Variants in LAMA1 observed in about 807,000 individuals in gnomAD.
LAMA1 encodes the protein laminin subunit alpha-1.
Under a neutral mutation model 348.7 loss-of-function variants are expected in LAMA1, and 219 were observed. The observed-to-expected ratio is 0.63, with a 90% confidence interval of 0.56 to 0.70. The LOEUF (loss-of-function observed/expected upper bound fraction) is 0.70. Among genes scored for constraint, LAMA1 ranks in the 30% least tolerant of loss-of-function variants. The probability of loss-of-function intolerance (pLI) is 0.00; values close to 1 mark genes in which losing one functional copy is unlikely to be tolerated. For missense variants in LAMA1, 3,744 were observed against 3,888.0 expected (o/e 0.96, Z 0.99); for synonymous variants, 1,487 against 1,491.0 (o/e 1.00, Z 0.06).
intron 23 of LAMA1, among the ~76,000 whole-genome samples, chr18:7,012,672 A>AT (rs1471910126): frequency 6.7e-6 from 1 of 149,490 alleles, no homozygotes; most frequent in African/African-American, 2.4e-5. Flanking sequence ...TGCCCAGCTA[A>AT]TTTTGTATTT....
At chr18:7,005,064 G>A (rs1002497184) in intron 29 of LAMA1, among the ~76,000 whole-genome samples, 4 of 152,152 alleles carry the variant, frequency 2.6e-5, no homozygotes, top group East Asian at 1.9e-4. Flanking sequence ...GCAGGATACC[G>A]AAGACAGACA....
chr18:6,980,585 C>T lies in LAMA1; in HGVS notation c.5943G>A (p.Glu1981=), dbSNP rs1409006310. 6.2e-7 allele frequency: 1 copy of T among 1,613,648 alleles called. No homozygotes were observed. Among genetic ancestry groups the T allele is most frequent in the East Asian group, 2.2e-5 (1 of 44,866 alleles). Residue 1981 remains glutamate (E), a synonymous_variant, in exon 42 of 63, where the codon GAG becomes GAA. Coordinates refer to ENST00000389658, the MANE Select transcript of LAMA1 (RefSeq NM_005559.4). ...ELRNKTNRFQ[E]NAVEITRQTN... is the part of the protein sequence containing the mutation. ...TTTGCCTGGTAATTTCAACAGCATT[C>T]TCTTGAAATCTGTTTGTCTTATTTC...
chr18:7,017,336 T>G lies in LAMA1; in HGVS notation c.2750A>C (p.Glu917Ala), dbSNP rs943930494. The G allele has an allele frequency of 7.4e-6, 12 of 1,613,918 alleles. No individual in the cohort carries two copies. The highest frequency in any genetic ancestry group is 2.7e-5 in the African/African-American group (2 of 74,908). Residue 917 changes from glutamate to alanine, a missense_variant, in exon 20 of 63, where the codon GAG becomes GCG. Around this residue, in one of 3 missense-constraint regions of LAMA1, gnomAD observed 1,529 missense variants for 1,689.4 expected, o/e 0.91. Coordinates refer to ENST00000389658, the MANE Select transcript of LAMA1 (RefSeq NM_005559.4). ...KGSHSAVCHLETGLCDCKPNV... is the reference protein window; with the variant it reads ...KGSHSAVCHLATGLCDCKPNV... ...TGGTTTGCAGTCACAGAGCCCGGTC[T>G]CAAGATGGCACACGGCAGAATGGGA...
In LAMA1 at chr18:6,995,385, G is replaced by A; in HGVS notation, c.4868C>T (p.Ala1623Val). ...CTTTTGCAGGTTGTCCGTTTCTTCT[G>A]CAACACCTTCAAGCTTAATTTTTCC... Reference protein sequence around the residue: ...DLGKIKLEGVAEETDNLQKKL... With the variant: ...DLGKIKLEGVVEETDNLQKKL... The change falls in exon 34 of 63, where the codon GCA becomes GTA. Residue 1623 changes from alanine (A) to valine (V), a missense_variant. Ala to Val is a moderately conservative substitution (Grantham distance 64). Coordinates refer to ENST00000389658, the MANE Select transcript of LAMA1 (RefSeq NM_005559.4). 2 of 1,613,512 alleles carry A rather than the reference G, an allele frequency of 1.2e-6. No individual in the cohort carries two copies. Among genetic ancestry groups the A allele is most frequent in the Non-Finnish European group, 1.7e-6 (2 of 1,179,442 alleles).
intron 51 of LAMA1, among the ~76,000 whole-genome samples, chr18:6,962,521 TAGTG>T (rs2057613100): frequency 6.6e-6 from 1 of 151,992 alleles, no homozygotes; most frequent in Admixed American, 6.6e-5. Context: ...GCAATATTGA[TAGTG>T]AGAACTTCAG....
chr18:6,961,143 G>A (rs1422494283), intron 53 of LAMA1, among the ~76,000 whole-genome samples: 3 of 152,144 alleles, frequency 2.0e-5, no homozygotes, highest in Non-Finnish European at 4.4e-5. Flanking sequence ...AGTTTACTGT[G>A]CTTATCACAG....
chr18:6,980,458 T>C (rs693360), intron 42 of LAMA1, 63 bp downstream of exon 42: 972,420 of 1,144,140 alleles, frequency 0.85, 414,668 homozygotes, highest in East Asian at 0.99. Context: ...CTTCCTTATG[T>C]TCCTGAGTGA....
At chr18:7,099,983 A>C (rs975972125) in intron 1 of LAMA1, among the ~76,000 whole-genome samples, 2 of 140,948 alleles carry the variant, frequency 1.4e-5, no homozygotes, top group South Asian at 2.4e-4. Flanking sequence ...GGCGTGAACC[A>C]GGGAGGCGGA....
rs369257165 is a variant in LAMA1, at chr18:6,961,730, G to A, written c.7482C>T (p.Gly2494=). The A allele has an allele frequency of 6.6e-5, 107 of 1,614,000 alleles. No individual in the cohort carries two copies. The highest frequency in any genetic ancestry group is 1.6e-4 in the East Asian group (7 of 44,880). Residue 2494 remains glycine (G), a synonymous_variant, in exon 53 of 63, where the codon GGC becomes GGT. Coordinates refer to ENST00000389658, the MANE Select transcript of LAMA1 (RefSeq NM_005559.4). ...EPIRSVSFLK[G]GYIELPPKSL... is the part of the protein sequence containing the mutation. The stretch of plus-strand genomic sequence containing the variant: ...ATTTGGGTGGCAATTCAATGTAGCC[G>A]CCTTTCAGGAAGCTAACACTCCGGA...
At position 7,050,565 on chromosome 18, in the gene LAMA1, C is replaced by T. The variant is rs184232235; in HGVS notation, c.588+129G>A. The T allele has an allele frequency of 6.0e-6, 8 of 1,331,010 alleles. No homozygotes were observed. The Admixed American group carries it at 1.3e-4, about 21-fold the overall frequency. The allele number at this position is 1,331,010 out of a possible 1,614,324, so 82.4% of individuals were successfully genotyped here. A position where few individuals can be genotyped will look rare whatever the true frequency, so the allele number is the denominator to read the frequency against. ...GAAATTACTTATAATAGACATGACT[C>T]AAGGCCACTTTAAATAGAGCTAGAT... On this transcript the variant is annotated intron_variant, in intron 4 of 62. Coordinates refer to ENST00000389658, the MANE Select transcript of LAMA1 (RefSeq NM_005559.4).
intron 50 of LAMA1, 87 bp from the exon 51 acceptor site, chr18:6,964,890 A>C: frequency 4.9e-5 from 69 of 1,412,986 alleles, no homozygotes; most frequent in Middle Eastern, 2.0e-4. Context: ...AACAAAGCTC[A>C]TTTACAAATG....
intron 41 of LAMA1, 44 bp downstream of exon 41, chr18:6,982,453 C>T (rs752445777): frequency 6.6e-7 from 1 of 1,510,650 alleles, no homozygotes; most frequent in Non-Finnish European, 9.2e-7. Context: ...GCGAGACGCT[C>T]ACGCTCACTC....
At chr18:7,045,974 T>C (rs550482564) in intron 6 of LAMA1, among the ~76,000 whole-genome samples, 104 of 152,078 alleles carry the variant, frequency 6.8e-4, no homozygotes, top group Admixed American at 2.6e-3. Flanking sequence ...TTTTACTTTC[T>C]TACAGACAGA....
chr18:7,032,663 T>C (rs192242109), intron 15 of LAMA1, among the ~76,000 whole-genome samples: 5 of 152,312 alleles, frequency 3.3e-5, no homozygotes, highest in African/African-American at 1.2e-4. Flanking sequence ...GCTGGTGATT[T>C]GTAAATGTTC....
rs1402279467 is a variant in LAMA1, at chr18:7,029,876, T to C, written c.2274+2190A>G. ...AACCTCATCTCTAATGAACTGTGAA[T>C]AAAGAATTAACTCCTGGAAGCTAGA... is the stretch of plus-strand genomic sequence containing the variant. On this transcript the variant is annotated intron_variant, in intron 16 of 62. Coordinates refer to ENST00000389658, the MANE Select transcript of LAMA1 (RefSeq NM_005559.4). 2.6e-5 allele frequency among the ~76,000 whole-genome samples: 4 copies of C among 151,694 alleles called. No individual in the cohort carries two copies. In the East Asian group the frequency reaches 7.8e-4, roughly 29 times the overall value.
chr18:6,977,655 G>C (rs916447650), intron 44 of LAMA1, 72 bp downstream of exon 44: 1 of 1,579,486 alleles, frequency 6.3e-7, no homozygotes, highest in African/African-American at 1.3e-5. Flanking sequence ...TGAGGGCCAT[G>C]TCTGCATGAA....
chr18:7,090,798 G>A (rs1252544075), intron 1 of LAMA1, among the ~76,000 whole-genome samples: 1 of 152,150 alleles, frequency 6.6e-6, no homozygotes, highest in East Asian at 1.9e-4. Context: ...ACTCCTGGGA[G>A]TCTGGCATTT....
Position 6,949,170 on chromosome 18 carries a change from C to CA in LAMA1, c.8486dup (p.Met2829IlefsTer39). ...GGTAGAACAAACCCTCCACATCCAG[C>CA]ATGGTTCCATCTCCCACCACAGTCA... On this transcript the variant is annotated frameshift_variant, in exon 59 of 63. Transcript: ENST00000389658. LOFTEE classifies it high-confidence loss of function. 1.2e-6 allele frequency: 2 copies of CA among 1,614,206 alleles called. No homozygotes were observed. The highest frequency in any genetic ancestry group is 1.7e-6 in the Non-Finnish European group (2 of 1,180,022).
intron 57 of LAMA1, among the ~76,000 whole-genome samples, chr18:6,953,183 G>A (rs905457901): frequency 1.4e-4 from 20 of 144,360 alleles, no homozygotes; most frequent in African/African-American, 3.4e-4. Flanking sequence ...GCGGATCCAC[G>A]CCATGGGAGC....
Sources: gnomAD v4.1 joint callset for allele counts (sites outside exome capture counted in the v4.1 genomes callset) on GRCh38, gnomAD v4.1.1 for gene constraint, gnomAD v4.1.1 regional missense constraint, MANE v1.5 for transcripts, NCBI Gene and HGNC (gene_info 2026-07-23, HGNC 2026-07-21) for gene names.